TBCK: variants seen among roughly 807,000 people sequenced by gnomAD.
TBCK encodes the protein TBC domain-containing protein kinase-like protein.
In TBCK, 99 loss-of-function variants were observed where a neutral mutation model predicts 113.4. That is an observed-to-expected ratio of 0.87 (90% CI 0.74 to 1.03). The LOEUF (loss-of-function observed/expected upper bound fraction) is 1.03, where lower values mean the gene tolerates loss of function less well. Among genes scored for constraint, TBCK ranks in the 50% least tolerant of loss-of-function variants. The pLI is 0.00. For synonymous variants in TBCK, 369 were observed against 370.8 expected (o/e 1.00, Z 0.05); for missense variants, 1,045 against 1,061.3 (o/e 0.98, Z 0.21).
At chr4:106,248,202 G>C (rs79927904) in intron 9 of TBCK, 43 bp downstream of exon 9, 1 of 1,378,904 alleles carries the variant, frequency 7.3e-7, no homozygotes, top group Admixed American at 2.2e-5. Context: ...TTGCTTATGC[G>C]TAAAGGATCT....
At chr4:106,283,387 G>A (rs1400646540) in intron 3 of TBCK, among the ~76,000 whole-genome samples, 1 of 152,056 alleles carries the variant, frequency 6.6e-6, no homozygotes, top group Non-Finnish European at 1.5e-5. Context: ...ACTACTAGAG[G>A]GTTACAGTAT....
In TBCK at chr4:106,116,350, A is replaced by G. The variant is rs939976494; in HGVS notation, c.2264T>C (p.Leu755Pro). 9 of 1,613,564 alleles carry G rather than the reference A, an allele frequency of 5.6e-6. No homozygotes were observed. The highest frequency in any genetic ancestry group is 7.6e-6 in the Non-Finnish European group (9 of 1,179,804). ...AATCCGTGGTGATACTTCTGACTTC[A>G]GGTCATTTAATGGGATGGATTCTCT... ...LSRESIPLNDLKSEVSPRISA... is the reference protein window; with the variant it reads ...LSRESIPLNDPKSEVSPRISA... The change falls in exon 24 of 26, where the codon CTG (leucine) becomes CCG (proline). Residue 755 changes from leucine (L) to proline (P), a missense_variant. By Grantham distance (98) the Leu-to-Pro change is moderately conservative (BLOSUM62 -3). Coordinates refer to ENST00000394708, the MANE Select transcript of TBCK (RefSeq NM_001163435.3).
chr4:106,296,976 T>A (rs901553424), intron 2 of TBCK, among the ~76,000 whole-genome samples: 1 of 151,800 alleles, frequency 6.6e-6, no homozygotes, highest in African/African-American at 2.4e-5. Flanking sequence ...GGCAACATTA[T>A]CAGAAAACCA....
At chr4:106,282,861 C>T (rs1436502881) in intron 3 of TBCK, among the ~76,000 whole-genome samples, 1 of 152,060 alleles carries the variant, frequency 6.6e-6, no homozygotes, top group Non-Finnish European at 1.5e-5. Flanking sequence ...CCTCTAGGAG[C>T]TGACAGCAGC....
chr4:106,260,337 A>G, intron 5 of TBCK, 100 bp downstream of exon 5: 1 of 470,408 alleles, frequency 2.1e-6, no homozygotes, highest in Non-Finnish European at 3.6e-6. Flanking sequence ...AGCTGTTTGC[A>G]TATCAAAAAG....
chr4:106,069,971 G>A (rs1724498838), intron 25 of TBCK, among the ~76,000 whole-genome samples: 1 of 152,156 alleles, frequency 6.6e-6, no homozygotes, highest in Non-Finnish European at 1.5e-5. Flanking sequence ...GAATGCTTGT[G>A]ATTTTTGCAC....
At position 106,165,763 on chromosome 4, in the gene TBCK, T is replaced by C. The variant is rs148978820; in HGVS notation, c.2235+5332A>G. ...TAACCCTGCCAGGGTGGTATTATTT[T>C]AAGTATGCTAATGATTACAAATAGG... On this transcript the variant is annotated intron_variant, in intron 23 of 25. Transcript: ENST00000394708. 3.3e-5 allele frequency among the ~76,000 whole-genome samples: 5 copies of C among 151,842 alleles called. No individual in the cohort carries two copies. In the South Asian group the frequency reaches 1.0e-3, roughly 32 times the overall value.
chr4:106,205,587 C>CAAAAAAAAAAAAAA (rs70941240), intron 20 of TBCK, among the ~76,000 whole-genome samples: 3 of 64,200 alleles, frequency 4.7e-5, no homozygotes, highest in African/African-American at 1.8e-4. Flanking sequence ...ACTAAAAATA[C>CAAAAAAAAAAAAAA]AAAAAAAAAA....
At chr4:106,125,288 C>T (rs541806001) in intron 23 of TBCK, among the ~76,000 whole-genome samples, 23 of 152,190 alleles carry the variant, frequency 1.5e-4, no homozygotes, top group African/African-American at 4.3e-4. Context: ...TTCATTACAG[C>T]GCTATTCACA....
chr4:106,211,109 G>A (rs1756076620), intron 20 of TBCK, among the ~76,000 whole-genome samples: 1 of 152,042 alleles, frequency 6.6e-6, no homozygotes, highest in Non-Finnish European at 1.5e-5. Context: ...AATGTTTTCT[G>A]TTTCTGTTCA....
At chr4:106,103,122 T>C (rs1288439487) in intron 24 of TBCK, among the ~76,000 whole-genome samples, 1 of 152,224 alleles carries the variant, frequency 6.6e-6, no homozygotes, top group Admixed American at 6.5e-5. Context: ...TTAAATATTA[T>C]AAATTAAGTC....
intron 20 of TBCK, among the ~76,000 whole-genome samples, chr4:106,207,939 G>C (rs1755713391): frequency 6.6e-6 from 1 of 152,170 alleles, no homozygotes; most frequent in Admixed American, 6.5e-5. Context: ...AGAACCGTTT[G>C]CTAGAGGACA....
intron 3 of TBCK, among the ~76,000 whole-genome samples, chr4:106,265,046 A>G (rs774788008): frequency 1.3e-5 from 2 of 151,894 alleles, no homozygotes; most frequent in Non-Finnish European, 2.9e-5. Flanking sequence ...ATAATATTTC[A>G]GCCCAATATG....
chr4:106,181,753 C>A (rs1439971685), intron 22 of TBCK, among the ~76,000 whole-genome samples: 1 of 152,074 alleles, frequency 6.6e-6, no homozygotes, highest in Non-Finnish European at 1.5e-5. Flanking sequence ...CAGTACCATG[C>A]TGTTTTGGTT....
chr4:106,260,820 G>C (rs545738912), intron 4 of TBCK, among the ~76,000 whole-genome samples: 24 of 151,922 alleles, frequency 1.6e-4, no homozygotes, highest in Admixed American at 1.4e-3. Flanking sequence ...AAACAAAAAG[G>C]CAAAAACATT....
chr4:106,180,764 C>G (rs1752265699), intron 22 of TBCK, among the ~76,000 whole-genome samples: 1 of 152,136 alleles, frequency 6.6e-6, no homozygotes, highest in Admixed American at 6.6e-5. Flanking sequence ...GCCACAATTT[C>G]TTAATCCAGT....
intron 22 of TBCK, among the ~76,000 whole-genome samples, chr4:106,179,653 G>A (rs562763928): frequency 4.6e-5 from 7 of 151,928 alleles, no homozygotes; most frequent in East Asian, 1.9e-4. Context: ...GACTTGTTTC[G>A]TGAACACAGG....
intron 25 of TBCK, among the ~76,000 whole-genome samples, chr4:106,065,811 G>T (rs1281437921): frequency 1.3e-5 from 2 of 151,990 alleles, no homozygotes; most frequent in Non-Finnish European, 2.9e-5. Flanking sequence ...GTGGGATTTA[G>T]CAAGACTAAA....
At chr4:106,219,587 T>G (rs1293455216) in intron 19 of TBCK, among the ~76,000 whole-genome samples, 1 of 152,096 alleles carries the variant, frequency 6.6e-6, no homozygotes, top group Non-Finnish European at 1.5e-5. Flanking sequence ...TTCTTGCCAG[T>G]TTACTCACTA....
Sources: allele counts gnomAD v4.1 joint callset (sites outside exome capture counted in the v4.1 genomes callset), GRCh38; gene constraint gnomAD v4.1.1; transcripts MANE v1.5; gene names NCBI Gene and HGNC (gene_info 2026-07-23, HGNC 2026-07-21).